Variants in TBC1D4 observed in about 807,000 individuals in gnomAD.
TBC1D4 encodes TBC1 domain family member 4.
Under a neutral mutation model 142.5 loss-of-function variants are expected in TBC1D4, and 121 were observed. That is an observed-to-expected ratio of 0.85 (90% CI 0.73 to 0.99). The LOEUF (loss-of-function observed/expected upper bound fraction) is 0.99, where lower values mean the gene tolerates loss of function less well. Ranked by LOEUF, TBC1D4 falls within the 50% of genes least tolerant of loss-of-function variation. TBC1D4 has a pLI of 0.00. For synonymous variants in TBC1D4, 630 were observed against 628.2 expected (o/e 1.00, Z -0.04); for missense variants, 1,475 against 1,606.6 (o/e 0.92, Z 1.40).
At chr13:75,409,908 A>T (rs566986555) in intron 1 of TBC1D4, among the ~76,000 whole-genome samples, 1 of 152,302 alleles carries the variant, frequency 6.6e-6, no homozygotes, top group Admixed American at 6.5e-5. Flanking sequence ...GAGGAAATGA[A>T]TTCGAATCCA....
At position 75,362,062 on chromosome 13, in the gene TBC1D4, G is replaced by A. The variant is rs774499837; in HGVS notation, c.1044C>T (p.Pro348=). ...RHASAPSHVQ[P]SDSEKNRTML... ...TGGTCCTGTTCTTCTCCGAGTCCGA[G>A]GGCTGGACGTGACTGGGTGCGCTCG... is the stretch of plus-strand genomic sequence containing the variant. Residue 348 remains proline, a synonymous_variant, in exon 2 of 21, where the codon CCC becomes CCT. Coordinates refer to ENST00000377636, the MANE Select transcript of TBC1D4 (RefSeq NM_014832.5). This position sits in a 1 kb window ranked among gnomAD's most constrained non-coding sequence, Gnocchi z 4.2. 1 of 1,614,160 alleles carries A rather than the reference G, an allele frequency of 6.2e-7. No individual in the cohort carries two copies. Among genetic ancestry groups the A allele is most frequent in the Non-Finnish European group, 8.5e-7 (1 of 1,180,038 alleles).
intron 16 of TBC1D4, among the ~76,000 whole-genome samples, chr13:75,300,639 A>G (rs1057006300): frequency 7.2e-5 from 11 of 152,238 alleles, no homozygotes; most frequent in African/African-American, 2.2e-4. Context: ...CAATTTTTAA[A>G]ATTATGGTTT....
chr13:75,440,869 A>G (rs1371617023), intron 1 of TBC1D4, among the ~76,000 whole-genome samples: 3 of 151,870 alleles, frequency 2.0e-5, no homozygotes, highest in Admixed American at 6.6e-5. Flanking sequence ...ACTGCACCAG[A>G]CCATCACCAT....
intron 1 of TBC1D4, among the ~76,000 whole-genome samples, chr13:75,412,275 T>G (rs959431192): frequency 1.7e-4 from 25 of 151,378 alleles, no homozygotes; most frequent in Admixed American, 1.5e-3. Context: ...AGACGTGGGG[T>G]TTTTTTTGTT....
chr13:75,321,490 A>C (rs896297932), intron 11 of TBC1D4, among the ~76,000 whole-genome samples: 5 of 152,174 alleles, frequency 3.3e-5, no homozygotes, highest in Admixed American at 2.0e-4. Flanking sequence ...ATGTAGCAAA[A>C]TATAAAAAGT....
chr13:75,363,800 G>C (rs1375834400), intron 1 of TBC1D4, among the ~76,000 whole-genome samples: 1 of 152,194 alleles, frequency 6.6e-6, no homozygotes, highest in Non-Finnish European at 1.5e-5. Flanking sequence ...CTAAAACTGA[G>C]AACAATCCAA....
intron 7 of TBC1D4, among the ~76,000 whole-genome samples, chr13:75,339,368 T>G (rs1225269919): frequency 6.6e-6 from 1 of 152,132 alleles, no homozygotes; most frequent in Non-Finnish European, 1.5e-5. Context: ...TTTCTCTTTG[T>G]GGTGCAAATC....
intron 1 of TBC1D4, among the ~76,000 whole-genome samples, chr13:75,459,019 T>G (rs1887856619): frequency 6.6e-6 from 1 of 152,242 alleles, no homozygotes; most frequent in Admixed American, 6.5e-5. Flanking sequence ...CTCTCTCTTG[T>G]CGCAATCTGG....
At chr13:75,288,803 G>T in intron 20 of TBC1D4, 131 bp downstream of exon 20, 1 of 962,044 alleles carries the variant, frequency 1.0e-6, no homozygotes, top group Non-Finnish European at 1.6e-6. Flanking sequence ...CAGAGCACTT[G>T]GACAGTCTGA....
rs1359321633 is a variant in TBC1D4, at chr13:75,320,047, C to T, written c.2199-10G>A. The T allele has an allele frequency of 1.9e-6, 3 of 1,613,114 alleles. No homozygotes were observed. Among genetic ancestry groups the T allele is most frequent in the East Asian group, 2.2e-5 (1 of 44,792 alleles). On this transcript the variant is annotated splice_polypyrimidine_tract_variant and intron_variant, in intron 11 of 20. Coordinates refer to ENST00000377636, the MANE Select transcript of TBC1D4 (RefSeq NM_014832.5). ...TGAAGCAGTGTCTTGTCTGGTACAACAGGAAAACAAGGAATGGAATTAGCA... is the reference window on the plus strand; with the variant it reads ...TGAAGCAGTGTCTTGTCTGGTACAATAGGAAAACAAGGAATGGAATTAGCA...
At chr13:75,481,118 G>A in intron 1 of TBC1D4, 152 bp downstream of exon 1, 1 of 1,262,904 alleles carries the variant, frequency 7.9e-7, no homozygotes, top group Non-Finnish European at 1.1e-6. Flanking sequence ...TCCAGGGAAG[G>A]GGCCAGCCGG....
At chr13:75,378,387 G>C (rs1883637128) in intron 1 of TBC1D4, among the ~76,000 whole-genome samples, 18 of 151,984 alleles carry the variant, frequency 1.2e-4, no homozygotes. Flanking sequence ...TCCATGGTTA[G>C]AAAAAGGAAA....
intron 12 of TBC1D4, among the ~76,000 whole-genome samples, chr13:75,317,730 T>C (rs1456653123): frequency 2.0e-5 from 3 of 152,146 alleles, no homozygotes; most frequent in Non-Finnish European, 2.9e-5. Context: ...AGTTAAAAAA[T>C]GAATATCTAG....
intron 1 of TBC1D4, among the ~76,000 whole-genome samples, chr13:75,444,748 G>A (rs1351675840): frequency 6.6e-6 from 1 of 152,098 alleles, no homozygotes; most frequent in East Asian, 1.9e-4. Context: ...ACTGCAGTCT[G>A]GATGTTTGTT....
rs192188023 is a variant in TBC1D4 at position 75,317,627 on chromosome 13, G to C, written c.2222+2387C>G. ...TTTTTCCTTCTTCTTTTGTATTTTG[G>C]AATCTAAGCATGTGTATTATAAAAC... On this transcript the variant is annotated intron_variant, in intron 12 of 20. Coordinates refer to ENST00000377636, the MANE Select transcript of TBC1D4 (RefSeq NM_014832.5). Among the ~76,000 whole-genome samples, 341 of 152,050 alleles carry C rather than the reference G, an allele frequency of 2.2e-3. 11 individuals carry two copies. In the South Asian group the frequency reaches 0.064, roughly 28 times the overall value.
chr13:75,426,494 A>G (rs1432593927), intron 1 of TBC1D4, among the ~76,000 whole-genome samples: 1 of 152,210 alleles, frequency 6.6e-6, no homozygotes, highest in Admixed American at 6.5e-5. Flanking sequence ...ATCAGGATAA[A>G]CACATATAAA....
At chr13:75,413,111 G>C (rs185870063) in intron 1 of TBC1D4, among the ~76,000 whole-genome samples, 1 of 152,280 alleles carries the variant, frequency 6.6e-6, no homozygotes, top group African/African-American at 2.4e-5. Context: ...ACATAAAGGG[G>C]AGGAAGATCA....
chr13:75,303,391 T>C (rs548332880), intron 15 of TBC1D4, among the ~76,000 whole-genome samples: 1 of 152,282 alleles, frequency 6.6e-6, no homozygotes, highest in Non-Finnish European at 1.5e-5. Context: ...CATTCGGGCT[T>C]TGAAAAGAAA....
chr13:75,356,578 C>T (rs1882069698), intron 3 of TBC1D4, among the ~76,000 whole-genome samples: 1 of 152,206 alleles, frequency 6.6e-6, no homozygotes, highest in Non-Finnish European at 1.5e-5. Flanking sequence ...TTTCAGTTTA[C>T]TGTCTTCTTG....
Sources: allele counts gnomAD v4.1 joint callset (sites outside exome capture counted in the v4.1 genomes callset), GRCh38; gene constraint gnomAD v4.1.1; non-coding constraint Gnocchi (gnomAD v3.1); transcripts MANE v1.5; gene names NCBI Gene and HGNC (gene_info 2026-07-23, HGNC 2026-07-21).